LOC400499: variants seen among roughly 807,000 people sequenced by gnomAD.
the LOC400499 span, among the ~76,000 whole-genome samples, chr16:11,498,113 G>T: frequency 2.6e-5 from 4 of 152,278 alleles, no homozygotes; most frequent in Admixed American, 6.5e-5. Flanking sequence ...GGACCTGGGG[G>T]AGATCAAACA....
the LOC400499 span, among the ~76,000 whole-genome samples, chr16:11,453,039 T>A: frequency 6.6e-6 from 1 of 152,134 alleles, no homozygotes; most frequent in Non-Finnish European, 1.5e-5. Flanking sequence ...TCTCCTGGGA[T>A]CCTTTTTACG....
the LOC400499 span, among the ~76,000 whole-genome samples, chr16:11,426,924 C>G: frequency 1.6e-5 from 2 of 128,930 alleles, no homozygotes; most frequent in Non-Finnish European, 3.1e-5. Context: ...GCATAAAAAT[C>G]AAAATGGAAG....
At chr16:11,472,320 G>C in the LOC400499 span, 1 of 152,052 alleles carries the variant, frequency 6.6e-6, no homozygotes, top group Admixed American at 6.6e-5. Context: ...AGCCTCCCGG[G>C]TAGCTGGGAT....
chr16:11,513,406 C>CAAAAAAAAAAA, the LOC400499 span, among the ~76,000 whole-genome samples: 2 of 126,944 alleles, frequency 1.6e-5, no homozygotes, highest in African/African-American at 3.0e-5. Context: ...ACTGTGTCTC[C>CAAAAAAAAAAA]AAAAAAAAAA....
chr16:11,479,561 T>C, the LOC400499 span, among the ~76,000 whole-genome samples: 1 of 152,034 alleles, frequency 6.6e-6, no homozygotes, highest in Admixed American at 6.6e-5. Context: ...AGTTCAAGGC[T>C]GTAGCGAGCT....
the LOC400499 span, among the ~76,000 whole-genome samples, chr16:11,408,258 G>C: frequency 6.6e-6 from 1 of 151,874 alleles, no homozygotes. Context: ...GCTGGATTAC[G>C]GGTGTGAGCT....
At chr16:11,448,515 AAAACAAACAAACAAACAAAC>A in the LOC400499 span, among the ~76,000 whole-genome samples, 346 of 56,150 alleles carry the variant, frequency 6.2e-3, 3 homozygotes, top group Middle Eastern at 0.016. Context: ...CGTGTCTGCT[AAAACAAACAAACAAACAAAC>A]AAACAAACAA....
At chr16:11,429,427 G>A in the LOC400499 span, among the ~76,000 whole-genome samples, 1 of 152,260 alleles carries the variant, frequency 6.6e-6, no homozygotes, top group East Asian at 1.9e-4. Flanking sequence ...AATATAGAAG[G>A]GAAGGGAAGG....
the LOC400499 span, chr16:11,457,074 G>C: frequency 2.0e-6 from 3 of 1,487,492 alleles, no homozygotes; most frequent in South Asian, 4.0e-5. Flanking sequence ...ATGCCAATGG[G>C]ATCATGCCAC....
the LOC400499 span, among the ~76,000 whole-genome samples, chr16:11,504,445 A>G: frequency 6.6e-6 from 1 of 152,068 alleles, no homozygotes; most frequent in African/African-American, 2.4e-5. Flanking sequence ...AATCCCAGCT[A>G]TTCAGGAGGC....
At chr16:11,517,712 G>A in the LOC400499 span, among the ~76,000 whole-genome samples, 8 of 152,174 alleles carry the variant, frequency 5.3e-5, no homozygotes, top group South Asian at 1.0e-3. Context: ...ATTCAGCCCC[G>A]TGCTCCTCCC....
the LOC400499 span, among the ~76,000 whole-genome samples, chr16:11,513,553 C>A: frequency 6.6e-6 from 1 of 152,064 alleles, no homozygotes; most frequent in Admixed American, 6.6e-5. Flanking sequence ...GCTTCAGCCT[C>A]CCGAGTAGCT....
chr16:11,474,703 CAAA>C, the LOC400499 span, among the ~76,000 whole-genome samples: 2 of 138,594 alleles, frequency 1.4e-5, no homozygotes, highest in African/African-American at 2.6e-5. Flanking sequence ...CTACAAAATA[CAAA>C]AAAAAAAAAA....
At chr16:11,487,891 A>G in the LOC400499 span, among the ~76,000 whole-genome samples, 7 of 152,040 alleles carry the variant, frequency 4.6e-5, no homozygotes, top group African/African-American at 1.7e-4. Context: ...AGGTAGGCAA[A>G]TCACTTAAGG....
the LOC400499 span, among the ~76,000 whole-genome samples, chr16:11,377,538 A>C: frequency 6.6e-6 from 1 of 152,186 alleles, no homozygotes; most frequent in South Asian, 2.1e-4. Context: ...AACTTTGTTA[A>C]ATGCTTTTTC....
At chr16:11,432,932 A>C in the LOC400499 span, among the ~76,000 whole-genome samples, 7 of 152,196 alleles carry the variant, frequency 4.6e-5, no homozygotes, top group Non-Finnish European at 1.0e-4. Flanking sequence ...AACTACTTTG[A>C]GCAGCTTCCC....
the LOC400499 span, among the ~76,000 whole-genome samples, chr16:11,409,962 A>G: frequency 6.6e-6 from 1 of 152,198 alleles, no homozygotes; most frequent in Non-Finnish European, 1.5e-5. Context: ...AACTCAAAAT[A>G]AAACTTGGGA....
At chr16:11,383,821 A>C in the LOC400499 span, 2 of 1,232,306 alleles carry the variant, frequency 1.6e-6, no homozygotes. Flanking sequence ...CCACACCCTG[A>C]GGAGGGACCT....
the LOC400499 span, chr16:11,389,995 T>C: frequency 3.1e-6 from 2 of 634,982 alleles, no homozygotes; most frequent in Non-Finnish European, 4.5e-6. Context: ...AAGAAGCCCC[T>C]GGGCAGGGTG....
Sources: gnomAD v4.1 joint callset for allele counts (sites outside exome capture counted in the v4.1 genomes callset) on GRCh38, gnomAD v4.1.1 for gene constraint, MANE v1.5 for transcripts.